Variants in ASMTL observed in about 807,000 individuals in gnomAD.
The protein encoded by ASMTL is acetylserotonin O-methyltransferase like.
Under a neutral mutation model 60.3 loss-of-function variants are expected in ASMTL, and 57 were observed. That is an observed-to-expected ratio of 0.95 (90% CI 0.76 to 1.18). The LOEUF (loss-of-function observed/expected upper bound fraction) is 1.18. Ranked by LOEUF, ASMTL falls within the 50% of genes most tolerant of loss-of-function variation. The probability of loss-of-function intolerance (pLI) is 0.00; values close to 1 mark genes in which losing one functional copy is unlikely to be tolerated. For synonymous variants in ASMTL, 419 were observed against 373.0 expected, an observed-to-expected ratio of 1.12 and a Z score of -1.42; for missense variants, 981 against 852.6, an observed-to-expected ratio of 1.15 and a Z score of -1.88.
intron 9 of ASMTL, 48 bp from the exon 10 acceptor site, chrX:1,419,162 G>C: frequency 6.3e-7 from 1 of 1,595,156 alleles, no homozygotes; most frequent in Non-Finnish European, 8.5e-7. Flanking sequence ...CGGGGCGAGG[G>C]CTCGCCCAGC....
chrX:1,415,059 G>C (rs1224674770), intron 11 of ASMTL, among the ~76,000 whole-genome samples: 6 of 19,006 alleles, frequency 3.2e-4, no homozygotes, highest in African/African-American at 3.8e-4. Context: ...TCCTGCCTCA[G>C]CCTCCTGAAT....
In ASMTL at chrX:1,418,108, C is replaced by T. The variant is rs752132715; in HGVS notation, c.1387G>A (p.Gly463Ser). 46 of 1,604,380 alleles carry T rather than the reference C, an allele frequency of 2.9e-5. No individual in the cohort carries two copies. The highest frequency in any genetic ancestry group is 2.5e-4 in the East Asian group (11 of 44,620). Residue 463 changes from glycine to serine, a missense_variant, in exon 11 of 13, where the codon GGT (glycine) becomes AGT (serine). Gly to Ser is a moderately conservative substitution (Grantham distance 56, BLOSUM62 0). Coordinates refer to ENST00000381317, the MANE Select transcript of ASMTL (RefSeq NM_004192.4). ...CGGGCCAGCTCTCGGGCCAGTGCAC[C>T]CGTGCAGCCTGCGGGGAAGCAAATG... ...SSACDVGGCTGALARELAREY... is the reference protein window; with the variant it reads ...SSACDVGGCTSALARELAREY...
At chrX:1,438,017 G>A (rs1462547925) in intron 3 of ASMTL, among the ~76,000 whole-genome samples, 3 of 152,064 alleles carry the variant, frequency 2.0e-5, no homozygotes, top group Non-Finnish European at 4.4e-5. Context: ...AGCCGGGCGC[G>A]GTGGCTCACG....
intron 2 of ASMTL, among the ~76,000 whole-genome samples, chrX:1,439,672 C>T (rs2091058504): frequency 6.6e-6 from 1 of 151,774 alleles, no homozygotes; most frequent in Non-Finnish European, 1.5e-5. Context: ...CATGGTGAAA[C>T]CCCGTCTCTA....
intron 6 of ASMTL, among the ~76,000 whole-genome samples, chrX:1,429,747 AG>A (rs1390910006): frequency 6.6e-6 from 1 of 152,002 alleles, no homozygotes; most frequent in Non-Finnish European, 1.5e-5. Context: ...CAGTGAGCCA[AG>A]ATCGCGCCAC....
intron 8 of ASMTL, among the ~76,000 whole-genome samples, chrX:1,424,664 C>T (rs1393664807): frequency 2.6e-5 from 4 of 150,990 alleles, no homozygotes; most frequent in Non-Finnish European, 5.9e-5. Context: ...ACCGATTCAT[C>T]GATCCATCCA....
rs1475804327 is a variant in ASMTL, at chrX:1,432,486, G to C, written c.401-109C>G. 2.3e-5 allele frequency: 18 copies of C among 770,100 alleles called. No individual in the cohort carries two copies. In the Middle Eastern group the frequency reaches 1.1e-3, roughly 45 times the overall value. 47.7% of individuals were successfully genotyped at this position (770,100 alleles called of 1,614,324 possible). ...GGTGTGTACTCGAGCGCAGCGCACAGTTCAGATATGGATGCTTCATGGGAG... is the reference window on the plus strand; with the variant it reads ...GGTGTGTACTCGAGCGCAGCGCACACTTCAGATATGGATGCTTCATGGGAG... On this transcript the variant is annotated intron_variant, in intron 5 of 12. Transcript: ENST00000381317.
At chrX:1,411,731 C>T (rs1231843123) in intron 12 of ASMTL, among the ~76,000 whole-genome samples, 1 of 86,214 alleles carries the variant, frequency 1.2e-5, no homozygotes, top group Non-Finnish European at 2.4e-5. Context: ...GTGAAGACCT[C>T]CTCAAGAATG....
At chrX:1,420,391 C>T (rs765695787) in intron 9 of ASMTL, among the ~76,000 whole-genome samples, 1 of 152,300 alleles carries the variant, frequency 6.6e-6, no homozygotes, top group East Asian at 1.9e-4. Flanking sequence ...CTCTCTGTGT[C>T]TCCCTGTCTG....
chrX:1,440,227 C>A (rs1288902035), intron 2 of ASMTL, among the ~76,000 whole-genome samples: 2 of 152,148 alleles, frequency 1.3e-5, no homozygotes, highest in South Asian at 4.2e-4. Flanking sequence ...GCTGGGACTA[C>A]AGGCGCCCGC....
chrX:1,411,882 G>A (rs766251756), intron 12 of ASMTL, among the ~76,000 whole-genome samples: 5 of 136,836 alleles, frequency 3.7e-5, no homozygotes, highest in Admixed American at 8.3e-5. Flanking sequence ...GCGCAGTCTC[G>A]GCTCACTGCA....
rs2090667259 is a variant in ASMTL, at chrX:1,428,197, G to A, written c.510-76C>T. The stretch of plus-strand genomic sequence containing the variant: ...GGTCTGAACATTTCACGGCTGGGAG[G>A]CGGAGGTGGGTGGATCACGAGGTCG... On this transcript the variant is annotated intron_variant, in intron 6 of 12. Coordinates refer to ENST00000381317, the MANE Select transcript of ASMTL (RefSeq NM_004192.4). The A allele has an allele frequency of 2.6e-6, 4 of 1,513,864 alleles. No individual in the cohort carries two copies. The East Asian group carries it at 9.1e-5, about 34-fold the overall frequency. The allele number at this position is 1,513,864 out of a possible 1,614,324, so 93.8% of individuals were successfully genotyped here.
At chrX:1,416,362 C>CAT (rs1491048475) in intron 11 of ASMTL, among the ~76,000 whole-genome samples, 9,310 of 122,622 alleles carry the variant, frequency 0.076, 2,753 homozygotes, top group Non-Finnish European at 0.1. Flanking sequence ...CAGGCACACA[C>CAT]AGACGCAGAC....
At chrX:1,413,160 C>G (rs1235408328) in intron 11 of ASMTL, 11 of 374,062 alleles carry the variant, frequency 2.9e-5, no homozygotes, top group Middle Eastern at 1.6e-3. Context: ...CTCAGGAGTT[C>G]GAGACCAGCC....
intron 7 of ASMTL, 126 bp from the exon 8 acceptor site, chrX:1,425,813 C>T: frequency 1.1e-6 from 1 of 912,010 alleles, no homozygotes. Context: ...CCTTCTTTCA[C>T]AGAGAACGGT....
At chrX:1,405,649 G>C (rs778262669) in intron 12 of ASMTL, among the ~76,000 whole-genome samples, 698 of 151,502 alleles carry the variant, frequency 4.6e-3, no homozygotes, top group African/African-American at 0.016. Flanking sequence ...TGGATGCATG[G>C]ATGAGATGGA....
chrX:1,419,101 T>C lies in ASMTL; in HGVS notation c.1259A>G (p.Gln420Arg). The change falls in exon 10 of 13, where the codon CAG becomes CGG. Residue 420 changes from glutamine to arginine, a missense_variant. By Grantham distance (43) the Gln-to-Arg change is conservative. Coordinates refer to ENST00000381317, the MANE Select transcript of ASMTL (RefSeq NM_004192.4). Reference protein sequence around the residue: ...AEDLFQDAYYQSPETRLRFMR... With the variant: ...AEDLFQDAYYRSPETRLRFMR... ...GAACCTCAGCCGCGTCTCCGGGCTC[T>C]GGTAGTACGCATCCTGGAACACAGC... is the stretch of plus-strand genomic sequence containing the variant. 1 of 1,611,244 alleles carries C rather than the reference T, an allele frequency of 6.2e-7. No homozygotes were observed. The highest frequency in any genetic ancestry group is 8.5e-7 in the Non-Finnish European group (1 of 1,179,518).
chrX:1,433,352 G>A (rs1457748247), intron 5 of ASMTL, among the ~76,000 whole-genome samples: 5 of 151,710 alleles, frequency 3.3e-5, no homozygotes, highest in African/African-American at 4.8e-5. Context: ...GGATGATGTC[G>A]TTAATCCTGG....
At chrX:1,444,737 C>G (rs1306998447) in intron 1 of ASMTL, among the ~76,000 whole-genome samples, 1 of 152,044 alleles carries the variant, frequency 6.6e-6, no homozygotes, top group Non-Finnish European at 1.5e-5. Context: ...ACCCAGGAAG[C>G]TGTGGGCAGC....
Sources: allele counts gnomAD v4.1 joint callset (sites outside exome capture counted in the v4.1 genomes callset), GRCh38; gene constraint gnomAD v4.1.1; transcripts MANE v1.5; gene names NCBI Gene and HGNC (gene_info 2026-07-23, HGNC 2026-07-21).